The following AHR variants were observed in gnomAD, a reference collection of about 807,000 sequenced individuals.
The protein encoded by AHR is AH-receptor.
AHR carries 40 observed loss-of-function variants against 86.8 expected under a neutral mutation model. The ratio of observed to expected loss-of-function variants is 0.46; its 90% CI spans 0.36 to 0.60. The LOEUF (loss-of-function observed/expected upper bound fraction) is 0.60, where lower values mean the gene tolerates loss of function less well. Ranked by LOEUF, AHR falls within the 20% of genes least tolerant of loss-of-function variation. The probability of loss-of-function intolerance (pLI) is 0.00; values close to 1 mark genes in which losing one functional copy is unlikely to be tolerated. For synonymous variants in AHR, 398 were observed against 354.9 expected (o/e 1.12, Z -1.37); for missense variants, 1,001 against 1,011.6 (o/e 0.99, Z 0.14).
chr7:17,337,476 GT>G (rs371840495), intron 9 of AHR, among the ~76,000 whole-genome samples: 67 of 134,572 alleles, frequency 5.0e-4, no homozygotes, highest in East Asian at 8.5e-4. Flanking sequence ...ACATCTTTCT[GT>G]TTTTTTTTTT....
intron 1 of AHR, among the ~76,000 whole-genome samples, chr7:17,308,960 T>C (rs1782034032): frequency 6.6e-6 from 1 of 152,194 alleles, no homozygotes; most frequent in Admixed American, 6.5e-5. Flanking sequence ...GCTAGATAAT[T>C]ACTCTTCTGG....
At chr7:17,310,242 A>T in intron 2 of AHR, 119 bp downstream of exon 2, 1 of 1,000,008 alleles carries the variant, frequency 1.0e-6, no homozygotes, top group Non-Finnish European at 1.4e-6. Flanking sequence ...TTATTGCTGT[A>T]TAGTAAAATT....
chr7:17,307,713 G>A (rs1323393030), intron 1 of AHR, among the ~76,000 whole-genome samples: 1 of 152,090 alleles, frequency 6.6e-6, no homozygotes, highest in Non-Finnish European at 1.5e-5. Context: ...TTAGAAAGAA[G>A]TTCCTGGCAT....
At chr7:17,313,369 G>A (rs1782085215) in intron 2 of AHR, among the ~76,000 whole-genome samples, 1 of 152,130 alleles carries the variant, frequency 6.6e-6, no homozygotes, top group African/African-American at 2.4e-5. Context: ...AGCTCAAAGT[G>A]AATAACAGGA....
intron 3 of AHR, among the ~76,000 whole-genome samples, chr7:17,324,777 G>C (rs1203765802): frequency 6.6e-6 from 1 of 151,286 alleles, no homozygotes; most frequent in Non-Finnish European, 1.5e-5. Context: ...ACTCCAGCCC[G>C]GGTGACAATG....
Position 17,344,392 on chromosome 7 carries a change from A to T in AHR, c.*1328A>T, listed in dbSNP as rs753549164. 6.5e-6 allele frequency: 1 copy of T among 152,742 alleles called. No individual in the cohort carries two copies. Among genetic ancestry groups the T allele is most frequent in the Non-Finnish European group, 1.5e-5 (1 of 68,034 alleles). 9.5% of individuals were successfully genotyped at this position (152,742 alleles called of 1,614,324 possible). A position where few individuals can be genotyped will look rare whatever the true frequency, so the allele number is the denominator to read the frequency against. Reference sequence around the variant, plus strand: ...TAAAAAGTCCATACCTTATATATGCACTTAATTTGTTGGGGCTTTACATAC... The same window carrying T: ...TAAAAAGTCCATACCTTATATATGCTCTTAATTTGTTGGGGCTTTACATAC... On this transcript the variant is annotated 3_prime_UTR_variant, in exon 11 of 11. Transcript: ENST00000242057.
chr7:17,325,911 A>G (rs948643954), intron 3 of AHR, among the ~76,000 whole-genome samples: 7 of 152,210 alleles, frequency 4.6e-5, no homozygotes, highest in African/African-American at 1.7e-4. Context: ...AAGTTTACCT[A>G]TGTAACAAAC....
At position 17,344,459 on chromosome 7, in the gene AHR, A is replaced by C. The variant is rs1223036145; in HGVS notation, c.*1395A>C. 6.6e-6 allele frequency: 1 copy of C among 152,514 alleles called. No homozygotes were observed. The highest frequency in any genetic ancestry group is 2.4e-5 in the African/African-American group (1 of 41,336). The allele number at this position is 152,514 out of a possible 1,614,324, so 9.4% of individuals were successfully genotyped here. Reference sequence around the variant, plus strand: ...TCTAAGAAATCAAGTAATGAATCCAACTGCTTAAAGTTGGTATTAATAAAA... The same window carrying C: ...TCTAAGAAATCAAGTAATGAATCCACCTGCTTAAAGTTGGTATTAATAAAA... On this transcript the variant is annotated 3_prime_UTR_variant, in exon 11 of 11. Transcript: ENST00000242057.
chr7:17,333,380 A>G (rs115071486), intron 6 of AHR, among the ~76,000 whole-genome samples: 2,691 of 152,082 alleles, frequency 0.018, 79 homozygotes, highest in African/African-American at 0.061. Flanking sequence ...CCTGTCTTCT[A>G]AATTTCTTCC....
intron 2 of AHR, among the ~76,000 whole-genome samples, chr7:17,316,529 A>T (rs1782116778): frequency 6.6e-6 from 1 of 152,174 alleles, no homozygotes; most frequent in Non-Finnish European, 1.5e-5. Context: ...AGGTGGGAAG[A>T]TATCTTGAGC....
rs544271397 is a variant in AHR at position 17,339,287 on chromosome 7, G to C, written c.1462G>C (p.Glu488Gln). The C allele has an allele frequency of 1.2e-6, 2 of 1,613,914 alleles. No individual in the cohort carries two copies. Among genetic ancestry groups the C allele is most frequent in the African/African-American group, 1.3e-5 (1 of 74,888 alleles). Residue 488 changes from glutamate to glutamine, a missense_variant, in exon 10 of 11, where the codon GAA becomes CAA. Physicochemically the swap from Glu to Gln is conservative, Grantham distance 29. Coordinates refer to ENST00000242057, the MANE Select transcript of AHR (RefSeq NM_001621.5). ...ACCTTTTGAAAACAACTTTTTCAACGAATCTATGAATGAATGCAGAAATTG... is the reference window on the plus strand; with the variant it reads ...ACCTTTTGAAAACAACTTTTTCAACCAATCTATGAATGAATGCAGAAATTG... ...TAPFENNFFN[E>Q]SMNECRNWQD...
chr7:17,337,773 C>T (rs989381004), intron 9 of AHR, among the ~76,000 whole-genome samples: 5 of 151,794 alleles, frequency 3.3e-5, no homozygotes, highest in African/African-American at 4.8e-5. Flanking sequence ...CCGCGCCCGG[C>T]CCTTTTTACG....
In AHR at chr7:17,339,344, A is replaced by G. The variant is rs1340035435; in HGVS notation, c.1519A>G (p.Thr507Ala). Residue 507 changes from threonine to alanine, a missense_variant, in exon 10 of 11, where the codon ACT becomes GCT. Thr to Ala is a moderately conservative substitution (Grantham distance 58). Transcript: ENST00000242057. ...TAATACTGCACCGATGGGAAATGAT[A>G]CTATCCTGAAACATGAGCAAATTGA... ...QDNTAPMGND[T>A]ILKHEQIDQP... The G allele has an allele frequency of 1.9e-6, 3 of 1,614,244 alleles. No homozygotes were observed. Among genetic ancestry groups the G allele is most frequent in the Middle Eastern group, 1.6e-4 (1 of 6,062 alleles).
intron 1 of AHR, among the ~76,000 whole-genome samples, chr7:17,302,095 A>G (rs1463706948): frequency 6.6e-6 from 1 of 151,992 alleles, no homozygotes; most frequent in East Asian, 1.9e-4. Context: ...AATTTTGTAT[A>G]TATTTTTGTA....
intron 1 of AHR, among the ~76,000 whole-genome samples, chr7:17,307,869 G>C (rs558627204): frequency 2.0e-5 from 3 of 151,962 alleles, no homozygotes; most frequent in African/African-American, 7.3e-5. Flanking sequence ...TCGTTACTTT[G>C]CTGTCTCCTC....
intron 1 of AHR, among the ~76,000 whole-genome samples, chr7:17,308,118 A>G (rs1412766113): frequency 1.3e-5 from 2 of 152,036 alleles, no homozygotes; most frequent in East Asian, 1.9e-4. Context: ...TGACAACAGG[A>G]GCTTTTGTAT....
intron 1 of AHR, among the ~76,000 whole-genome samples, chr7:17,307,722 A>G (rs1782019799): frequency 6.6e-6 from 1 of 152,184 alleles, no homozygotes; most frequent in Non-Finnish European, 1.5e-5. Context: ...AGTTCCTGGC[A>G]TCCCGGAATC....
At position 17,339,298 on chromosome 7, in the gene AHR, T is replaced by G. The variant is rs747682764; in HGVS notation, c.1473T>G (p.Asn491Lys). 6.2e-7 allele frequency: 1 copy of G among 1,614,170 alleles called. No homozygotes were observed. Among genetic ancestry groups the G allele is most frequent in the Non-Finnish European group, 8.5e-7 (1 of 1,180,028 alleles). Residue 491 changes from asparagine (N) to lysine (K), a missense_variant, in exon 10 of 11, where the codon AAT becomes AAG. By Grantham distance (94) the Asn-to-Lys change is moderately conservative (BLOSUM62 0). This residue lies in a region of AHR where 607 missense variants were observed against 543.1 expected (regional missense o/e 1.12). Transcript: ENST00000242057. Reference sequence around the variant, plus strand: ...ACAACTTTTTCAACGAATCTATGAATGAATGCAGAAATTGGCAAGATAATA... The same window carrying G: ...ACAACTTTTTCAACGAATCTATGAAGGAATGCAGAAATTGGCAAGATAATA... ...FENNFFNESM[N>K]ECRNWQDNTA...
chr7:17,340,770 G>A (rs1205265064), intron 10 of AHR, among the ~76,000 whole-genome samples: 3 of 152,158 alleles, frequency 2.0e-5, no homozygotes, highest in Admixed American at 2.0e-4. Context: ...GCACCTCCAT[G>A]TTCTCTAGCT....
Sources: gnomAD v4.1 joint callset for allele counts (sites outside exome capture counted in the v4.1 genomes callset) on GRCh38, gnomAD v4.1.1 for gene constraint, gnomAD v4.1.1 regional missense constraint, MANE v1.5 for transcripts, NCBI Gene and HGNC (gene_info 2026-07-23, HGNC 2026-07-21) for gene names.